UPF3A: variants seen among roughly 807,000 people sequenced by gnomAD.
The protein encoded by UPF3A is regulator of nonsense transcripts 3A.
A neutral mutation model predicts 53.5 loss-of-function variants in UPF3A; 42 were observed. The ratio of observed to expected loss-of-function variants is 0.78; its 90% CI spans 0.61 to 1.01. The LOEUF is 1.01. UPF3A is among the 50% of genes least tolerant of loss of function. The pLI is 0.00. For synonymous variants in UPF3A, 237 were observed against 225.3 expected (o/e 1.05, Z -0.47); for missense variants, 575 against 598.0 (o/e 0.96, Z 0.40).
In UPF3A at chr13:114,291,707, AAAGAAG is replaced by A. The variant is rs549638820; in HGVS notation, c.769_774del (p.Arg257_Arg258del). The A allele has an allele frequency of 4.4e-6, 7 of 1,603,650 alleles. No individual in the cohort carries two copies. The highest frequency in any genetic ancestry group is 2.7e-5 in the African/African-American group (2 of 74,530). On this transcript the variant is annotated inframe_deletion, in exon 7 of 10. Transcript: ENST00000375299. ...AAGAAACGTTTGCGGGAAGAGGAAA[AAAGAAG>A]AAGAAGAGAAGAAGAAAGATGCAAA...
chr13:114,289,816 G>A (rs1262829197), intron 5 of UPF3A, among the ~76,000 whole-genome samples: 1 of 152,152 alleles, frequency 6.6e-6, no homozygotes, highest in African/African-American at 2.4e-5. Flanking sequence ...ATACTTTTAT[G>A]ATGTGTAGAA....
In UPF3A at chr13:114,290,506, TTGG is replaced by T. The variant is rs2085165182; in HGVS notation, c.632-979_632-977del. On this transcript the variant is annotated intron_variant, in intron 5 of 9. Coordinates refer to ENST00000375299, the MANE Select transcript of UPF3A (RefSeq NM_023011.4). ...CCCCCTTCCCATTTGTGTCCTTGTG[TTGG>T]TGGGATGTGGGGCCTGTCCATGTCA... Among the ~76,000 whole-genome samples, 4 of 152,086 alleles carry T rather than the reference TTGG, an allele frequency of 2.6e-5. No homozygotes were observed. The South Asian group carries it at 8.3e-4, about 31-fold the overall frequency.
chr13:114,290,455 C>A (rs776968259), intron 5 of UPF3A, among the ~76,000 whole-genome samples: 1 of 152,200 alleles, frequency 6.6e-6, no homozygotes, highest in African/African-American at 2.4e-5. Flanking sequence ...TGAGATCTTA[C>A]AGACCCACAG....
chr13:114,295,705 C>CA (rs2139304706), intron 7 of UPF3A, among the ~76,000 whole-genome samples: 1 of 152,316 alleles, frequency 6.6e-6, no homozygotes, highest in Admixed American at 6.5e-5. Flanking sequence ...CTGTTCACAG[C>CA]ATTCCCCCTT....
intron 7 of UPF3A, among the ~76,000 whole-genome samples, chr13:114,294,996 C>T (rs1214581260): frequency 2.0e-5 from 3 of 151,318 alleles, no homozygotes; most frequent in African/African-American, 7.3e-5. Context: ...CCTGTAGTCC[C>T]AGCTACTTGG....
chr13:114,304,477 G>C lies in UPF3A; in HGVS notation c.1303-312G>C, dbSNP rs184093689. ...TTAGTTGGCAGATCTGAAACCATCT[G>C]TGAGGGTCCACATCTCATTTTGTTC... On this transcript the variant is annotated intron_variant, in intron 9 of 9. Transcript: ENST00000375299. 7.9e-5 allele frequency among the ~76,000 whole-genome samples: 12 copies of C among 152,350 alleles called. No homozygotes were observed. In the East Asian group the frequency reaches 2.1e-3, roughly 27 times the overall value.
intron 8 of UPF3A, 133 bp from the exon 9 acceptor site, chr13:114,301,598 G>A: frequency 1.3e-6 from 1 of 760,244 alleles, no homozygotes; most frequent in Non-Finnish European, 2.1e-6. Context: ...GCCCATCGCA[G>A]TGCAGCCTCA....
Position 114,281,808 on chromosome 13 carries a change from G to A in UPF3A, c.169G>A (p.Gly57Ser), listed in dbSNP as rs1457537173. ...TSSSGCGGGA[G>S]KPREEKRTAL... ...GTCCTCCGGTTGCGGGGGCGGTGCG[G>A]GCAAACCTCGCGAGGAGAAGAGGAC... is the stretch of plus-strand genomic sequence containing the variant. The change falls in exon 1 of 10, where the codon GGC becomes AGC. Residue 57 changes from glycine to serine, a missense_variant. Transcript: ENST00000375299. The A allele has an allele frequency of 6.4e-7, 1 of 1,552,380 alleles. No homozygotes were observed. The highest frequency in any genetic ancestry group is 8.7e-7 in the Non-Finnish European group (1 of 1,148,786).
At chr13:114,294,635 C>T (rs2085656049) in intron 7 of UPF3A, among the ~76,000 whole-genome samples, 1 of 152,100 alleles carries the variant, frequency 6.6e-6, no homozygotes, top group Non-Finnish European at 1.5e-5. Context: ...ACCATCCTGG[C>T]TAACACAGTG....
At chr13:114,283,726 G>A (rs375428930) in intron 3 of UPF3A, 4 of 983,392 alleles carry the variant, frequency 4.1e-6, no homozygotes, top group African/African-American at 1.7e-5. Context: ...ACTCTCAATA[G>A]TTCCCTTATC....
At chr13:114,297,840 C>T (rs771992867) in intron 7 of UPF3A, among the ~76,000 whole-genome samples, 11 of 151,922 alleles carry the variant, frequency 7.2e-5, no homozygotes, top group Non-Finnish European at 1.5e-4. Flanking sequence ...AAAAAAACAA[C>T]AAACAAAAAC....
chr13:114,291,889 C>G, intron 7 of UPF3A, 97 bp downstream of exon 7: 2 of 1,349,568 alleles, frequency 1.5e-6, no homozygotes, highest in Non-Finnish European at 2.0e-6. Flanking sequence ...TGAAAACATT[C>G]TGAATTAATC....
chr13:114,294,601 G>A (rs982702315), intron 7 of UPF3A, among the ~76,000 whole-genome samples: 8 of 152,262 alleles, frequency 5.3e-5, no homozygotes, highest in East Asian at 3.9e-4. Context: ...CGAGGCGGGC[G>A]TATCACGAGG....
Position 114,291,771 on chromosome 13 carries a change from A to G in UPF3A, c.825A>G (p.Ala275=), listed in dbSNP as rs372996595. The G allele has an allele frequency of 6.3e-6, 10 of 1,592,718 alleles. No homozygotes were observed. Among genetic ancestry groups the G allele is most frequent in the Non-Finnish European group, 8.5e-6 (10 of 1,171,294 alleles). ...AGACAGATAAACAGAAGAAAATTGCAGAGAAAGAAGTAAGGATTAAGGTAA... is the reference window on the plus strand; with the variant it reads ...AGACAGATAAACAGAAGAAAATTGCGGAGAAAGAAGTAAGGATTAAGGTAA... ...KKETDKQKKI[A]EKEVRIKLLK... The change falls in exon 7 of 10, where the codon GCA becomes GCG. Residue 275 remains alanine, a synonymous_variant. Coordinates refer to ENST00000375299, the MANE Select transcript of UPF3A (RefSeq NM_023011.4).
chr13:114,303,757 G>T (rs1476930446), intron 9 of UPF3A, among the ~76,000 whole-genome samples: 2 of 152,188 alleles, frequency 1.3e-5, no homozygotes, highest in African/African-American at 4.8e-5. Context: ...TTGCACTCCA[G>T]CCTAGGCAAC....
At chr13:114,303,971 T>C (rs1472577362) in intron 9 of UPF3A, among the ~76,000 whole-genome samples, 1 of 151,912 alleles carries the variant, frequency 6.6e-6, no homozygotes, top group Non-Finnish European at 1.5e-5. Flanking sequence ...GAGGTAGAGG[T>C]GAGCTGGTGA....
At chr13:114,297,074 T>C (rs2086115443) in intron 7 of UPF3A, among the ~76,000 whole-genome samples, 1 of 152,188 alleles carries the variant, frequency 6.6e-6, no homozygotes, top group Non-Finnish European at 1.5e-5. Context: ...TGCTCCACCT[T>C]GCATGATGCG....
At chr13:114,295,723 G>C (rs867918026) in intron 7 of UPF3A, among the ~76,000 whole-genome samples, 1 of 151,998 alleles carries the variant, frequency 6.6e-6, no homozygotes, top group South Asian at 2.1e-4. Flanking sequence ...CTTGACCACC[G>C]TTGCCTCAGG....
intron 5 of UPF3A, 186 bp downstream of exon 5, chr13:114,286,815 G>A: frequency 1.7e-6 from 1 of 601,544 alleles, no homozygotes; most frequent in Non-Finnish European, 3.0e-6. Context: ...ATATTTCTGA[G>A]CGTTGGTTGA....
Sources: allele counts gnomAD v4.1 joint callset (sites outside exome capture counted in the v4.1 genomes callset), GRCh38; gene constraint gnomAD v4.1.1; transcripts MANE v1.5; gene names NCBI Gene and HGNC (gene_info 2026-07-23, HGNC 2026-07-21).